Variants in ZNF722 observed in about 807,000 individuals in gnomAD.
ZNF722 encodes zinc finger protein 722.
At chr7:64,005,884 C>T in the ZNF722 span, 8 of 804,504 alleles carry the variant, frequency 9.9e-6, no homozygotes, top group Non-Finnish European at 1.5e-5. Context: ...AGAACAGATT[C>T]TTCACGATGT....
the ZNF722 span, among the ~76,000 whole-genome samples, chr7:64,017,504 T>TA: frequency 6.6e-6 from 1 of 152,256 alleles, no homozygotes; most frequent in Admixed American, 6.5e-5. Context: ...AGAGGATTGT[T>TA]ATACCTTTAC....
At chr7:64,009,891 A>G in the ZNF722 span, among the ~76,000 whole-genome samples, 1,410 of 152,222 alleles carry the variant, frequency 9.3e-3, 13 homozygotes, top group Middle Eastern at 0.014. Context: ...TTTGGTTGGT[A>G]GGCTATTAAT....
chr7:64,016,088 A>G, the ZNF722 span: 1 of 576,262 alleles, frequency 1.7e-6, no homozygotes. Flanking sequence ...AAAAAATGTA[A>G]CAAAGCCTTT....
the ZNF722 span, among the ~76,000 whole-genome samples, chr7:64,003,017 T>C: frequency 1.3e-5 from 2 of 152,220 alleles, no homozygotes; most frequent in Non-Finnish European, 2.9e-5. Context: ...TTCCTGGAAC[T>C]TTTTGGATCC....
At chr7:64,005,986 G>A in the ZNF722 span, among the ~76,000 whole-genome samples, 1 of 152,112 alleles carries the variant, frequency 6.6e-6, no homozygotes, top group Non-Finnish European at 1.5e-5. Context: ...GCATAAAATA[G>A]CGTTTCCCAC....
At chr7:64,009,789 A>C in the ZNF722 span, among the ~76,000 whole-genome samples, 1 of 152,174 alleles carries the variant, frequency 6.6e-6, no homozygotes, top group Middle Eastern at 3.4e-3. Flanking sequence ...CTCTTTTTCT[A>C]TTGATTGGAA....
chr7:64,002,536 TA>T, the ZNF722 span, among the ~76,000 whole-genome samples: 1 of 152,224 alleles, frequency 6.6e-6, no homozygotes, highest in South Asian at 2.1e-4. Flanking sequence ...GTGGTATTAT[TA>T]TTCTATACGT....
At chr7:64,004,067 T>C in the ZNF722 span, among the ~76,000 whole-genome samples, 1 of 152,090 alleles carries the variant, frequency 6.6e-6, no homozygotes, top group Non-Finnish European at 1.5e-5. Context: ...AGGGAAGTTA[T>C]CTGCACCTTC....
At chr7:64,005,997 G>A in the ZNF722 span, among the ~76,000 whole-genome samples, 15 of 152,166 alleles carry the variant, frequency 9.9e-5, no homozygotes, top group South Asian at 4.1e-4. Flanking sequence ...CGTTTCCCAC[G>A]CCTTAGAATT....
chr7:64,004,410 T>TAAAAAAAAAAAAAA, the ZNF722 span, among the ~76,000 whole-genome samples: 2 of 35,248 alleles, frequency 5.7e-5, no homozygotes, highest in Non-Finnish European at 4.9e-5. Context: ...CTCTGTCTCT[T>TAAAAAAAAAAAAAA]AAAAAAAAAA....
chr7:64,013,685 A>G, the ZNF722 span, among the ~76,000 whole-genome samples: 5 of 152,150 alleles, frequency 3.3e-5, no homozygotes, highest in Non-Finnish European at 1.5e-5. Context: ...CACCATCACA[A>G]TAATGCCACG....
the ZNF722 span, chr7:64,015,968 T>C: frequency 8.8e-7 from 1 of 1,141,544 alleles, no homozygotes; most frequent in Non-Finnish European, 1.2e-6. Flanking sequence ...CAATAATTTA[T>C]GCTGGAAAAA....
the ZNF722 span, among the ~76,000 whole-genome samples, chr7:64,010,665 A>C: frequency 6.6e-6 from 1 of 152,114 alleles, no homozygotes; most frequent in Non-Finnish European, 1.5e-5. Flanking sequence ...ACTTCCAACT[A>C]TGTGGTGAAT....
chr7:64,005,486 T>C, the ZNF722 span: 2 of 592,256 alleles, frequency 3.4e-6, no homozygotes, highest in Non-Finnish European at 6.1e-6. Flanking sequence ...TTTTAGTCAG[T>C]CTTATAAGTG....
chr7:64,012,826 G>GT, the ZNF722 span, among the ~76,000 whole-genome samples: 1 of 152,096 alleles, frequency 6.6e-6, no homozygotes, highest in Non-Finnish European at 1.5e-5. Context: ...TGTTTGCATC[G>GT]TGGAGACAAA....
chr7:64,009,688 T>A, the ZNF722 span, among the ~76,000 whole-genome samples: 2 of 152,178 alleles, frequency 1.3e-5, no homozygotes, highest in African/African-American at 4.8e-5. Flanking sequence ...ATCAGGGATA[T>A]TGGTCTAAAA....
chr7:64,000,436 C>CTTGTT, the ZNF722 span, among the ~76,000 whole-genome samples: 1 of 23,674 alleles, frequency 4.2e-5, no homozygotes, highest in Non-Finnish European at 6.9e-5. Context: ...CATGCCCGGC[C>CTTGTT]TTTTTTTTTT....
chr7:64,011,422 G>A, the ZNF722 span, among the ~76,000 whole-genome samples: 2,761 of 152,176 alleles, frequency 0.018, 166 homozygotes, highest in East Asian at 0.18. Flanking sequence ...CTTCCTTCAG[G>A]AGCTCTTGTA....
the ZNF722 span, among the ~76,000 whole-genome samples, chr7:64,000,129 T>TG: frequency 3.3e-3 from 245 of 74,372 alleles, 3 homozygotes; most frequent in East Asian, 0.039. Flanking sequence ...CTTTTTTTTT[T>TG]TTTTGTGTGT....
Sources: gnomAD v4.1 joint callset for allele counts (sites outside exome capture counted in the v4.1 genomes callset) on GRCh38, gnomAD v4.1.1 for gene constraint, MANE v1.5 for transcripts, NCBI Gene and HGNC (gene_info 2026-07-23, HGNC 2026-07-21) for gene names.